Variants in TPP2 observed in about 807,000 individuals in gnomAD.
The protein encoded by TPP2 is tripeptidyl-peptidase 2.
Under a neutral mutation model 155.9 loss-of-function variants are expected in TPP2, and 34 were observed. The observed-to-expected ratio is 0.22, with a 90% confidence interval of 0.17 to 0.29. TPP2 has a LOEUF of 0.29. TPP2 is among the 10% of genes least tolerant of loss of function. The pLI, the probability that TPP2 is intolerant of heterozygous loss-of-function variation, is 1.00. For synonymous variants in TPP2, 510 were observed against 529.4 expected, an observed-to-expected ratio of 0.96 and a Z score of 0.50; for missense variants, 1,028 against 1,522.3, an observed-to-expected ratio of 0.68 and a Z score of 5.40.
chr13:102,666,304 A>G lies in TPP2; in HGVS notation c.3371+1379A>G, dbSNP rs548468190. Among the ~76,000 whole-genome samples, 8 of 152,316 alleles carry G rather than the reference A, an allele frequency of 5.3e-5. No individual in the cohort carries two copies. The South Asian group carries it at 1.5e-3, about 28-fold the overall frequency. ...CCAATGCCCTTTCTTTTCTCTGTATATTCTTCTCCCTTCTTGAGAAGGTTA... is the reference window on the plus strand; with the variant it reads ...CCAATGCCCTTTCTTTTCTCTGTATGTTCTTCTCCCTTCTTGAGAAGGTTA... On this transcript the variant is annotated intron_variant, in intron 27 of 29. Coordinates refer to ENST00000376052, the MANE Select transcript of TPP2 (RefSeq NM_001330588.2).
At chr13:102,597,671 C>A (rs1166354486) in intron 1 of TPP2, among the ~76,000 whole-genome samples, 1 of 149,042 alleles carries the variant, frequency 6.7e-6, no homozygotes, top group Non-Finnish European at 1.5e-5. Flanking sequence ...CAGCTTTTAT[C>A]ATTGGGGTGG....
At chr13:102,632,056 C>T (rs1486853192) in intron 10 of TPP2, among the ~76,000 whole-genome samples, 3 of 152,130 alleles carry the variant, frequency 2.0e-5, no homozygotes, top group Non-Finnish European at 4.4e-5. Flanking sequence ...GAGTTCAAGA[C>T]CAGCCTGGCC....
In TPP2 at chr13:102,670,728, T is replaced by G. The variant is rs189017499; in HGVS notation, c.3372-3555T>G. On this transcript the variant is annotated intron_variant, in intron 27 of 29. Coordinates refer to ENST00000376052, the MANE Select transcript of TPP2 (RefSeq NM_001330588.2). ...TGTAATGTATCAGTTATGCCCAAGG[T>G]GGGGTGAAGCCAGTTAATATCTCCT... 8.5e-5 allele frequency among the ~76,000 whole-genome samples: 13 copies of G among 152,280 alleles called. No individual in the cohort carries two copies. In the East Asian group the frequency reaches 2.5e-3, roughly 29 times the overall value.
intron 5 of TPP2, 128 bp from the exon 6 acceptor site, chr13:102,622,749 A>T: frequency 1.9e-6 from 2 of 1,057,034 alleles, no homozygotes; most frequent in Non-Finnish European, 2.7e-6. Context: ...TAAACCAGGC[A>T]GTCATTATAT....
chr13:102,668,495 A>T (rs1566372630), intron 27 of TPP2, among the ~76,000 whole-genome samples: 1 of 152,210 alleles, frequency 6.6e-6, no homozygotes, highest in Admixed American at 6.5e-5. Context: ...AAATGAGTAT[A>T]ATCAGTAACA....
At chr13:102,630,009 A>T (rs1238647617) in intron 9 of TPP2, 87 bp from the exon 10 acceptor site, 7 of 1,096,232 alleles carry the variant, frequency 6.4e-6, no homozygotes, top group Non-Finnish European at 6.8e-6. Context: ...GTGTTGAGAG[A>T]TTAGGCAGTT....
chr13:102,609,963 T>C (rs1245730158), intron 2 of TPP2, among the ~76,000 whole-genome samples: 2 of 152,174 alleles, frequency 1.3e-5, no homozygotes, highest in African/African-American at 2.4e-5. Context: ...AGTGCTCTTA[T>C]ACAAATTTTC....
chr13:102,598,479 T>G (rs1010187715), intron 1 of TPP2, among the ~76,000 whole-genome samples: 2 of 152,236 alleles, frequency 1.3e-5, no homozygotes, highest in African/African-American at 4.8e-5. Context: ...GCACATCTTT[T>G]GTGAATCAGA....
chr13:102,645,214 T>G (rs963227698), intron 19 of TPP2, among the ~76,000 whole-genome samples: 1 of 152,174 alleles, frequency 6.6e-6, no homozygotes, highest in Non-Finnish European at 1.5e-5. Context: ...TCAAGGATGG[T>G]GGATAGCCGA....
rs1167112769 is a variant in TPP2, at chr13:102,614,027, T to G, written c.295-74T>G. 5 of 1,295,902 alleles carry G rather than the reference T, an allele frequency of 3.9e-6. No individual in the cohort carries two copies. In the East Asian group the frequency reaches 1.2e-4, roughly 31 times the overall value. The allele number at this position is 1,295,902 out of a possible 1,614,324, so 80.3% of individuals were successfully genotyped here. A position where few individuals can be genotyped will look rare whatever the true frequency, so the allele number is the denominator to read the frequency against. ...TTATTAGAGTAGAAGTAATATACTT[T>G]TTTGCTCAGTAGTGTATCATTGGAA... is the stretch of plus-strand genomic sequence containing the variant. On this transcript the variant is annotated intron_variant, in intron 2 of 29. Transcript: ENST00000376052.
rs573050495 is a variant in TPP2, at chr13:102,667,928, C to T, written c.3371+3003C>T. 4.1e-4 allele frequency: 232 copies of T among 569,558 alleles called. No homozygotes were observed. In the African/African-American group the frequency reaches 4.6e-3, roughly 11 times the overall value. 35.3% of individuals were successfully genotyped at this position (569,558 alleles called of 1,614,324 possible). A position where few individuals can be genotyped will look rare whatever the true frequency, so the allele number is the denominator to read the frequency against. ...GCTAGGGGACTGCCAGCACTAAGGG[C>T]CAAAGAGAGTTAGCAGTCCCCCTGA... On this transcript the variant is annotated intron_variant, in intron 27 of 29. Transcript: ENST00000376052.
chr13:102,617,186 T>C (rs373507830), intron 4 of TPP2, among the ~76,000 whole-genome samples: 1 of 152,144 alleles, frequency 6.6e-6, no homozygotes, highest in Admixed American at 6.5e-5. Context: ...AGTGCTGGGA[T>C]TACAGGCATG....
chr13:102,635,525 G>T, intron 11 of TPP2, 62 bp from the exon 12 acceptor site: 2 of 1,178,414 alleles, frequency 1.7e-6, no homozygotes, highest in Admixed American at 1.7e-5. Flanking sequence ...GATCATACTG[G>T]TGGGCGGCTA....
chr13:102,656,902 G>C (rs1883893734), intron 24 of TPP2, 154 bp from the exon 25 acceptor site: 1 of 615,566 alleles, frequency 1.6e-6, no homozygotes, highest in African/African-American at 1.9e-5. Flanking sequence ...ACCAGAGATT[G>C]GAATTTTTGG....
At position 102,596,986 on chromosome 13, in the gene TPP2, A is replaced by G; in HGVS notation, c.-53A>G. 9 of 1,593,232 alleles carry G rather than the reference A, an allele frequency of 5.6e-6. No homozygotes were observed. The highest frequency in any genetic ancestry group is 6.8e-6 in the Non-Finnish European group (8 of 1,170,258). On this transcript the variant is annotated 5_prime_UTR_variant, in exon 1 of 30. Coordinates refer to ENST00000376052, the MANE Select transcript of TPP2 (RefSeq NM_001330588.2). ...GCCGCACGGGTGTCCTCGCGCTGCT[A>G]GTCCGCGCGCAGCCTGGCAGTTTGC... is the stretch of plus-strand genomic sequence containing the variant.
At chr13:102,648,236 T>A (rs1046501859) in intron 21 of TPP2, among the ~76,000 whole-genome samples, 9 of 152,166 alleles carry the variant, frequency 5.9e-5, no homozygotes, top group African/African-American at 1.9e-4. Flanking sequence ...GAAGATCAGC[T>A]GGGCATGGTG....
chr13:102,649,482 A>G lies in TPP2; in HGVS notation c.2948A>G (p.Lys983Arg). 1.2e-6 allele frequency: 2 copies of G among 1,610,594 alleles called. No homozygotes were observed. The highest frequency in any genetic ancestry group is 1.7e-6 in the Non-Finnish European group (2 of 1,178,612). Residue 983 changes from lysine (K) to arginine (R), a missense_variant, in exon 23 of 30, where the codon AAA becomes AGA. By Grantham distance (26) the Lys-to-Arg change is conservative (BLOSUM62 2). Around this residue, in one of 7 missense-constraint regions of TPP2, gnomAD observed 179 missense variants for 274.7 expected, o/e 0.65. Transcript: ENST00000376052. ...TTGTCAAAGACTGAACTAGGAAAGA[A>G]AGCTGTAAGTATTAGTTTTTTAAAC... ...LTLSKTELGK[K>R]AGQSAAKRQG...
intron 18 of TPP2, 48 bp downstream of exon 18, chr13:102,644,721 T>A: frequency 6.7e-7 from 1 of 1,498,660 alleles, no homozygotes; most frequent in East Asian, 2.3e-5. Context: ...TTACTTGTGT[T>A]ACTGGAGAGT....
intron 2 of TPP2, among the ~76,000 whole-genome samples, chr13:102,605,270 G>GCA (rs1388843395): frequency 1.3e-5 from 2 of 152,310 alleles, no homozygotes; most frequent in East Asian, 3.9e-4. Flanking sequence ...GGGCCTCTCC[G>GCA]CAGTGCTGCA....
Sources: gnomAD v4.1 joint callset for allele counts (sites outside exome capture counted in the v4.1 genomes callset) on GRCh38, gnomAD v4.1.1 for gene constraint, gnomAD v4.1.1 regional missense constraint, MANE v1.5 for transcripts, NCBI Gene and HGNC (gene_info 2026-07-23, HGNC 2026-07-21) for gene names.